The following RGS17 variants were observed in gnomAD, a reference collection of about 807,000 sequenced individuals.
The protein encoded by RGS17 is regulator of G protein signaling 17, also known as regulator of G-protein signaling 17.
Under a neutral mutation model 25.5 loss-of-function variants are expected in RGS17, and 12 were observed. The observed-to-expected ratio is 0.47, with a 90% CI of 0.30 to 0.76. RGS17 has a LOEUF of 0.76. Among genes scored for constraint, RGS17 ranks in the 30% least tolerant of loss-of-function variants. RGS17 has a pLI of 0.07. For missense variants in RGS17, 196 were observed against 242.2 expected (o/e 0.81, Z 1.27); for synonymous variants, 71 against 76.9 (o/e 0.92, Z 0.40).
In RGS17 at chr6:153,131,181, G is replaced by C. The variant is rs1040206101; in HGVS notation, c.-83C>G. ...TGGGTCCGGGGGAGCGGGGCTGGGCGGCTCGGTCCTCTAGCGGAGCCGGTT... is the reference window on the plus strand; with the variant it reads ...TGGGTCCGGGGGAGCGGGGCTGGGCCGCTCGGTCCTCTAGCGGAGCCGGTT... On this transcript the variant is annotated 5_prime_UTR_variant, in exon 1 of 5. Coordinates refer to ENST00000206262, the MANE Select transcript of RGS17 (RefSeq NM_012419.5). 1 of 151,926 alleles carries C rather than the reference G, an allele frequency of 6.6e-6. No individual in the cohort carries two copies. Among genetic ancestry groups the C allele is most frequent in the Non-Finnish European group, 1.5e-5 (1 of 68,118 alleles). The allele number at this position is 151,926 out of a possible 1,614,324, so 9.4% of individuals were successfully genotyped here.
In RGS17 at chr6:153,066,495, T is replaced by C. The variant is rs142723995; in HGVS notation, c.-25-22452A>G. 3.7e-4 allele frequency among the ~76,000 whole-genome samples: 56 copies of C among 152,270 alleles called. 1 individual carries two copies. In the East Asian group the frequency reaches 9.3e-3, roughly 25 times the overall value. On this transcript the variant is annotated intron_variant, in intron 1 of 4. Transcript: ENST00000206262. ...AGGAGGAGGGAATACTTCCATTCCA[T>C]GAGGCCAGTATTATCTTGATACCAA...
chr6:153,085,260 T>C (rs992764467), intron 1 of RGS17, among the ~76,000 whole-genome samples: 1 of 152,194 alleles, frequency 6.6e-6, no homozygotes, highest in Non-Finnish European at 1.5e-5. Context: ...CTAACGTAAA[T>C]GTAATCATTG....
chr6:153,061,657 G>A (rs558313655), intron 1 of RGS17, among the ~76,000 whole-genome samples: 29 of 152,212 alleles, frequency 1.9e-4, no homozygotes, highest in African/African-American at 7.0e-4. Context: ...ACAAGACAAT[G>A]TTTAAATATC....
At chr6:153,090,385 G>GT in intron 1 of RGS17, among the ~76,000 whole-genome samples, 1 of 150,460 alleles carries the variant, frequency 6.6e-6, no homozygotes, top group Non-Finnish European at 1.5e-5. Context: ...GGCCGAGGCA[G>GT]TAGGATCTGC....
At chr6:153,044,319 A>G (rs1776361047) in intron 1 of RGS17, among the ~76,000 whole-genome samples, 1 of 152,192 alleles carries the variant, frequency 6.6e-6, no homozygotes, top group South Asian at 2.1e-4. Flanking sequence ...AAATATGATA[A>G]GGTTTGAAAA....
At chr6:153,053,820 G>C (rs1376305225) in intron 1 of RGS17, among the ~76,000 whole-genome samples, 1 of 148,790 alleles carries the variant, frequency 6.7e-6, no homozygotes, top group Non-Finnish European at 1.5e-5. Flanking sequence ...GAAAAAGAAA[G>C]AAAGAAAAAT....
At chr6:153,052,409 G>A (rs1776473774) in intron 1 of RGS17, among the ~76,000 whole-genome samples, 1 of 152,074 alleles carries the variant, frequency 6.6e-6, no homozygotes, top group South Asian at 2.1e-4. Context: ...CTTCTGAAAT[G>A]GGGATATCTA....
rs2129106957 is a variant in RGS17, at chr6:153,024,503, A to G, written c.210-7T>C. 1 of 1,603,968 alleles carries G rather than the reference A, an allele frequency of 6.2e-7. No individual in the cohort carries two copies. Among genetic ancestry groups the G allele is most frequent in the South Asian group, 1.1e-5 (1 of 90,856 alleles). On this transcript the variant is annotated splice_region_variant and splice_polypyrimidine_tract_variant and intron_variant, in intron 3 of 4. Transcript: ENST00000206262. Reference sequence around the variant, plus strand: ...CTCTGCAGTGGGGTTTTGGCTGCAGAGACAGAACGGGGCCGTGATCAAAGG... The same window carrying G: ...CTCTGCAGTGGGGTTTTGGCTGCAGGGACAGAACGGGGCCGTGATCAAAGG...
At chr6:153,073,447 A>T (rs1167585894) in intron 1 of RGS17, among the ~76,000 whole-genome samples, 1 of 152,156 alleles carries the variant, frequency 6.6e-6, no homozygotes, top group Non-Finnish European at 1.5e-5. Flanking sequence ...GGGTCCCAGA[A>T]AGTAACCAAG....
chr6:153,021,205 A>G (rs1380431039), intron 4 of RGS17, among the ~76,000 whole-genome samples: 2 of 152,242 alleles, frequency 1.3e-5, no homozygotes, highest in African/African-American at 4.8e-5. Context: ...GGGATGTAGC[A>G]AAGGCAGGAT....
At chr6:153,077,956 C>T (rs1489405929) in intron 1 of RGS17, among the ~76,000 whole-genome samples, 1 of 152,034 alleles carries the variant, frequency 6.6e-6, no homozygotes, top group African/African-American at 2.4e-5. Context: ...TCAACGCAAC[C>T]TCTGCCTCCC....
Position 153,004,807 on chromosome 6 carries a change from A to C in RGS17, c.*6767T>G, listed in dbSNP as rs997400948. 2 of 152,144 alleles carry C rather than the reference A, an allele frequency of 1.3e-5. No individual in the cohort carries two copies. The highest frequency in any genetic ancestry group is 2.4e-5 in the African/African-American group (1 of 41,458). The allele number at this position is 152,144 out of a possible 1,614,324, so 9.4% of individuals were successfully genotyped here. On this transcript the variant is annotated 3_prime_UTR_variant, in exon 5 of 5. Transcript: ENST00000206262. ...TTATCTATTCAATTTGTGAATACCC[A>C]CCGTTATTCTGGCATTGCAAAATAA...
At chr6:153,040,322 C>T (rs1776305817) in intron 2 of RGS17, among the ~76,000 whole-genome samples, 1 of 151,956 alleles carries the variant, frequency 6.6e-6, no homozygotes, top group Admixed American at 6.6e-5. Flanking sequence ...TGTATCCTCC[C>T]CGCAAAAAAT....
chr6:153,114,609 C>T (rs1280398168), intron 1 of RGS17, among the ~76,000 whole-genome samples: 1 of 152,152 alleles, frequency 6.6e-6, no homozygotes, highest in Non-Finnish European at 1.5e-5. Context: ...GATACCAAAA[C>T]CTGGCAGAGA....
chr6:153,031,092 A>C (rs1049090997), intron 2 of RGS17, among the ~76,000 whole-genome samples: 6 of 152,212 alleles, frequency 3.9e-5, no homozygotes, highest in Admixed American at 1.3e-4. Flanking sequence ...CAGAATGGAC[A>C]TATCAGATGT....
intron 3 of RGS17, among the ~76,000 whole-genome samples, chr6:153,026,129 T>A (rs1461490280): frequency 6.6e-6 from 1 of 152,166 alleles, no homozygotes; most frequent in African/African-American, 2.4e-5. Context: ...ACACTTCTCT[T>A]ATAAAGAGAA....
chr6:153,081,342 G>A (rs9478385), intron 1 of RGS17, among the ~76,000 whole-genome samples: 79,308 of 151,818 alleles, frequency 0.52, 21,140 homozygotes, highest in Non-Finnish European at 0.57. Flanking sequence ...CTTTTTGGCT[G>A]TATTCTTTAT....
At chr6:153,016,784 C>T (rs950841142) in intron 4 of RGS17, among the ~76,000 whole-genome samples, 5 of 152,294 alleles carry the variant, frequency 3.3e-5, no homozygotes, top group Non-Finnish European at 2.9e-5. Context: ...GGATAAACCC[C>T]ATGGGGATAA....
At chr6:153,056,692 A>C (rs1302126176) in intron 1 of RGS17, among the ~76,000 whole-genome samples, 1 of 152,142 alleles carries the variant, frequency 6.6e-6, no homozygotes, top group African/African-American at 2.4e-5. Context: ...TACAGCTGGG[A>C]GTGAGATGAT....
Sources: allele counts gnomAD v4.1 joint callset (sites outside exome capture counted in the v4.1 genomes callset), GRCh38; gene constraint gnomAD v4.1.1; transcripts MANE v1.5; gene names NCBI Gene and HGNC (gene_info 2026-07-23, HGNC 2026-07-21).